Variants in ADCYAP1R1 observed in about 807,000 individuals in gnomAD.
ADCYAP1R1 encodes the protein ADCYAP receptor type I.
A neutral mutation model predicts 67.6 loss-of-function variants in ADCYAP1R1; 44 were observed. The ratio of observed to expected loss-of-function variants is 0.65; its 90% CI spans 0.51 to 0.84. ADCYAP1R1 has a LOEUF of 0.84. ADCYAP1R1 is among the 40% of genes least tolerant of loss of function. The pLI, the probability that ADCYAP1R1 is intolerant of heterozygous loss-of-function variation, is 0.00. For missense variants in ADCYAP1R1, 477 were observed against 587.9 expected (o/e 0.81, Z 1.95); for synonymous variants, 222 against 219.6 (o/e 1.01, Z -0.10).
chr7:31,074,867 T>C (rs1795140807), intron 3 of ADCYAP1R1, among the ~76,000 whole-genome samples: 1 of 152,234 alleles, frequency 6.6e-6, no homozygotes, highest in Admixed American at 6.5e-5. Context: ...TCTCAGAGCT[T>C]TCTATGGTAC....
intron 8 of ADCYAP1R1, 75 bp from the exon 9 acceptor site, chr7:31,085,235 C>G (rs1371433646): frequency 1.3e-6 from 2 of 1,552,592 alleles, no homozygotes; most frequent in Non-Finnish European, 1.7e-6. Context: ...AGTTGGCCCA[C>G]CACAGATGCC....
At position 31,111,366 on chromosome 7, in the gene ADCYAP1R1, A is replaced by C. The variant is rs564564702; in HGVS notation, c.*4682A>C. 1 of 152,352 alleles carries C rather than the reference A, an allele frequency of 6.6e-6. No homozygotes were observed. Among genetic ancestry groups the C allele is most frequent in the East Asian group, 1.9e-4 (1 of 5,188 alleles). 9.4% of individuals were successfully genotyped at this position (152,352 alleles called of 1,614,324 possible). ...CACAGTAAAGCTAAGTAAGCCCCAC[A>C]GACCTTACTGCTACTGCTGCTGCCA... On this transcript the variant is annotated 3_prime_UTR_variant, in exon 16 of 16. Coordinates refer to ENST00000304166, the MANE Select transcript of ADCYAP1R1 (RefSeq NM_001118.5).
chr7:31,060,642 A>G lies in ADCYAP1R1; in HGVS notation c.-71-2552A>G, dbSNP rs548595081. 1.5e-3 allele frequency among the ~76,000 whole-genome samples: 232 copies of G among 151,958 alleles called. 1 individual carries two copies. The Middle Eastern group carries it at 0.017, about 11-fold the overall frequency. On this transcript the variant is annotated intron_variant, in intron 1 of 15. Coordinates refer to ENST00000304166, the MANE Select transcript of ADCYAP1R1 (RefSeq NM_001118.5). ...CTCTCTTTGTCTCTGTAGGGTTGAC[A>G]TGTCTTTATGATCATCTCTGTGGAC...
intron 4 of ADCYAP1R1, among the ~76,000 whole-genome samples, chr7:31,079,233 C>T (rs1040684310): frequency 1.2e-4 from 19 of 152,210 alleles, no homozygotes; most frequent in African/African-American, 4.6e-4. Flanking sequence ...CCTGTGAACT[C>T]CTCCATGGGC....
At chr7:31,106,454 G>A in intron 15 of ADCYAP1R1, 42 bp from the exon 16 acceptor site, 7 of 1,566,452 alleles carry the variant, frequency 4.5e-6, no homozygotes, top group Non-Finnish European at 6.1e-6. Context: ...AGGCTGCAGA[G>A]GATGTCCATC....
chr7:31,055,664 A>G lies in ADCYAP1R1; in HGVS notation c.-72+2986A>G, dbSNP rs559723346. 1.4e-4 allele frequency among the ~76,000 whole-genome samples: 22 copies of G among 152,346 alleles called. No homozygotes were observed. In the South Asian group the frequency reaches 3.1e-3, roughly 21 times the overall value. ...CTCACTGGCCGTACAAAAATAGGCTACAGGCTGGATCTGACTGGCTGGAAG... is the reference window on the plus strand; with the variant it reads ...CTCACTGGCCGTACAAAAATAGGCTGCAGGCTGGATCTGACTGGCTGGAAG... On this transcript the variant is annotated intron_variant, in intron 1 of 15. Coordinates refer to ENST00000304166, the MANE Select transcript of ADCYAP1R1 (RefSeq NM_001118.5).
rs776667228 is a variant in ADCYAP1R1, at chr7:31,086,944, G to A, written c.825G>A (p.Gly275=). The change falls in exon 11 of 16, where the codon GGG becomes GGA. Residue 275 remains glycine, a splice_region_variant and synonymous_variant. Transcript: ENST00000304166. The surrounding 1 kb of genome is among the most constrained non-coding windows in gnomAD (Gnocchi z 5.0). ...GACCTCTTTTTCTTGTTCTCCCAGG[G>A]ACCCCAACTGTGTGTGTGACAGTGT... ...YFYWYTIIGW[G]TPTVCVTVWA... 1 of 1,614,174 alleles carries A rather than the reference G, an allele frequency of 6.2e-7. No individual in the cohort carries two copies. Among genetic ancestry groups the A allele is most frequent in the Non-Finnish European group, 8.5e-7 (1 of 1,180,038 alleles).
intron 3 of ADCYAP1R1, among the ~76,000 whole-genome samples, chr7:31,076,651 A>G (rs2267727): frequency 0.12 from 17,713 of 152,034 alleles, 1,220 homozygotes; most frequent in African/African-American, 0.18. Context: ...TCCTTTCACA[A>G]TTCTTGCTTG....
Position 31,102,213 on chromosome 7 carries a change from G to A in ADCYAP1R1, c.1047-1024G>A, listed in dbSNP as rs1176373969. On this transcript the variant is annotated intron_variant, in intron 13 of 15. Transcript: ENST00000304166. This position sits in a 1 kb window ranked among gnomAD's most constrained non-coding sequence, Gnocchi z 4.3. ...CTCATGCCTGCTGTCCACCCCGGGG[G>A]ACTTAGCTGTGCTGGGAGATGGGGA... 5.9e-5 allele frequency among the ~76,000 whole-genome samples: 9 copies of A among 152,354 alleles called. No individual in the cohort carries two copies. Among genetic ancestry groups the A allele is most frequent in the African/African-American group, 1.9e-4 (8 of 41,590 alleles).
intron 12 of ADCYAP1R1, among the ~76,000 whole-genome samples, chr7:31,091,181 C>T (rs1029215987): frequency 2.4e-4 from 36 of 152,212 alleles, no homozygotes; most frequent in Non-Finnish European, 1.0e-4. Context: ...TGCTGTGGAG[C>T]ATTTTTTCAT....
chr7:31,103,585 C>T (rs1796519182), intron 14 of ADCYAP1R1, among the ~76,000 whole-genome samples: 1 of 152,164 alleles, frequency 6.6e-6, no homozygotes. Context: ...CCAGCTGCCC[C>T]CACTCCTGGC....
intron 13 of ADCYAP1R1, among the ~76,000 whole-genome samples, chr7:31,096,870 G>A (rs951376513): frequency 1.3e-5 from 2 of 152,142 alleles, no homozygotes; most frequent in African/African-American, 4.8e-5. Flanking sequence ...CAGCACCACA[G>A]TGATCCCTAG....
chr7:31,103,621 C>T (rs1796521475), intron 14 of ADCYAP1R1, among the ~76,000 whole-genome samples: 1 of 152,226 alleles, frequency 6.6e-6, no homozygotes. Context: ...CCTGAGATGG[C>T]ATCTCCCAGC....
At chr7:31,063,448 C>G (rs1281226472) in intron 2 of ADCYAP1R1, 133 bp downstream of exon 2, 1 of 881,478 alleles carries the variant, frequency 1.1e-6, no homozygotes, top group Non-Finnish European at 1.8e-6. Context: ...CACCACTGGG[C>G]CACCCAGTGC....
At chr7:31,071,801 T>C (rs2249714) in intron 3 of ADCYAP1R1, among the ~76,000 whole-genome samples, 95,288 of 151,668 alleles carry the variant, frequency 0.63, 30,352 homozygotes, top group East Asian at 0.82. Flanking sequence ...CTCTAGACTC[T>C]AGACTTTTTT....
At chr7:31,083,417 C>T (rs966998077) in intron 6 of ADCYAP1R1, among the ~76,000 whole-genome samples, 4 of 152,224 alleles carry the variant, frequency 2.6e-5, no homozygotes, top group Admixed American at 2.0e-4. Context: ...ATCCCACCCC[C>T]TCGAGTGTCC....
In ADCYAP1R1 at chr7:31,092,717, A is replaced by G. The variant is rs1281647626; in HGVS notation, c.1028A>G (p.Asn343Ser). Residue 343 changes from asparagine (N) to serine (S), a missense_variant, in exon 13 of 16, where the codon AAT (asparagine) becomes AGT (serine). Transcript: ENST00000304166. ...CTTCAGTCTCCAGACATGGGAGGCA[A>G]TGAGTCCAGCATCTACTTGTAAGTA... Reference protein sequence around the residue: ...QKLQSPDMGGNESSIYLRLAR... With the variant: ...QKLQSPDMGGSESSIYLRLAR... 3.1e-6 allele frequency: 5 copies of G among 1,612,818 alleles called. No homozygotes were observed. Among genetic ancestry groups the G allele is most frequent in the Non-Finnish European group, 4.2e-6 (5 of 1,179,634 alleles).
intron 12 of ADCYAP1R1, among the ~76,000 whole-genome samples, chr7:31,089,111 G>A (rs954026649): frequency 6.6e-6 from 1 of 152,246 alleles, no homozygotes; most frequent in African/African-American, 2.4e-5. Context: ...CTTTAAGTGA[G>A]TCTAGGAATC....
At chr7:31,074,161 C>T (rs893397922) in intron 3 of ADCYAP1R1, among the ~76,000 whole-genome samples, 1 of 152,116 alleles carries the variant, frequency 6.6e-6, no homozygotes, top group Non-Finnish European at 1.5e-5. Flanking sequence ...TCCCTGTGCA[C>T]ATAGGAAACG....
Sources: allele counts gnomAD v4.1 joint callset (sites outside exome capture counted in the v4.1 genomes callset), GRCh38; gene constraint gnomAD v4.1.1; non-coding constraint Gnocchi (gnomAD v3.1); transcripts MANE v1.5; gene names NCBI Gene and HGNC (gene_info 2026-07-23, HGNC 2026-07-21).